The following GALNT14 variants were observed in gnomAD, a reference collection of about 807,000 sequenced individuals.
The protein encoded by GALNT14 is UDP-GalNAc:polypeptide N-acetylgalactosaminyltransferase 14.
A neutral mutation model predicts 77.5 loss-of-function variants in GALNT14; 60 were observed. That is an observed-to-expected ratio of 0.77 (90% confidence interval 0.63 to 0.96). The LOEUF is 0.96. Among genes scored for constraint, GALNT14 ranks in the 40% least tolerant of loss-of-function variants. The pLI is 0.00. For missense variants in GALNT14, 710 were observed against 731.0 expected (o/e 0.97, Z 0.33); for synonymous variants, 280 against 281.7 (o/e 0.99, Z 0.06).
chr2:31,006,595 GA>G (rs748042870), intron 1 of GALNT14, among the ~76,000 whole-genome samples: 14 of 152,174 alleles, frequency 9.2e-5, no homozygotes, highest in Non-Finnish European at 1.9e-4. Flanking sequence ...CATGATAGGG[GA>G]TCATTCATAG....
At chr2:31,097,097 T>G (rs1370098507) in intron 1 of GALNT14, among the ~76,000 whole-genome samples, 1 of 152,108 alleles carries the variant, frequency 6.6e-6, no homozygotes, top group African/African-American at 2.4e-5. Flanking sequence ...TAGCCAGTGG[T>G]CTCAAGGCAA....
intron 2 of GALNT14, among the ~76,000 whole-genome samples, chr2:30,970,480 T>C (rs1160368033): frequency 6.6e-6 from 1 of 152,092 alleles, no homozygotes; most frequent in African/African-American, 2.4e-5. Context: ...GAAGCTAGAA[T>C]TGCTATCATC....
intron 1 of GALNT14, among the ~76,000 whole-genome samples, chr2:31,078,550 G>GGCCTTCTAAAGGTTT (rs1675954164): frequency 6.6e-6 from 1 of 152,166 alleles, no homozygotes; most frequent in Non-Finnish European, 1.5e-5. Context: ...AGGTAGATTT[G>GGCCTTCTAAAGGTTT]GCCTTCTAAA....
At chr2:30,978,507 C>T (rs75032615) in intron 2 of GALNT14, among the ~76,000 whole-genome samples, 3,464 of 152,264 alleles carry the variant, frequency 0.023, 144 homozygotes, top group East Asian at 0.21. Flanking sequence ...TCCCACACAT[C>T]AGGGGGATGG....
intron 2 of GALNT14, among the ~76,000 whole-genome samples, chr2:30,989,579 T>TAA (rs1206805330): frequency 4.7e-5 from 6 of 127,218 alleles, no homozygotes; most frequent in African/African-American, 2.1e-4. Context: ...TATATATATA[T>TAA]ATAAAAATAT....
At chr2:30,924,334 G>A (rs930630211) in intron 12 of GALNT14, 71 bp from the exon 13 acceptor site, 1 of 1,527,390 alleles carries the variant, frequency 6.5e-7, no homozygotes, top group Non-Finnish European at 9.1e-7. Flanking sequence ...AGCTGGAGAG[G>A]GTGGGCAGTG....
chr2:30,929,895 T>C (rs1328907006), intron 10 of GALNT14, among the ~76,000 whole-genome samples: 1 of 152,206 alleles, frequency 6.6e-6, no homozygotes, highest in Non-Finnish European at 1.5e-5. Flanking sequence ...GGTAATGATA[T>C]TTTTCCCTTG....
At chr2:30,999,205 C>A (rs1670214404) in intron 1 of GALNT14, among the ~76,000 whole-genome samples, 1 of 152,194 alleles carries the variant, frequency 6.6e-6, no homozygotes, top group South Asian at 2.1e-4. Context: ...TGCCACTGCC[C>A]CATGGACATC....
chr2:31,043,648 T>C (rs1354639821), intron 1 of GALNT14, among the ~76,000 whole-genome samples: 3 of 143,212 alleles, frequency 2.1e-5, no homozygotes, highest in African/African-American at 7.5e-5. Context: ...AAGGAAGGGA[T>C]GGATCAGGTG....
chr2:31,085,920 T>C (rs1265414850), intron 1 of GALNT14, among the ~76,000 whole-genome samples: 2 of 152,170 alleles, frequency 1.3e-5, no homozygotes, highest in Non-Finnish European at 2.9e-5. Context: ...GGACAGGACT[T>C]ACATGGCGAC....
At chr2:30,905,551 T>C (rs1664119259), downstream of GALNT14, among the ~76,000 whole-genome samples, 1 of 151,892 alleles carries the variant, frequency 6.6e-6, no homozygotes, top group Admixed American at 6.6e-5. Context: ...CCAAGAAATA[T>C]GGGACTATGT....
In GALNT14 at chr2:30,987,661, A is replaced by C. The variant is rs575627440; in HGVS notation, c.299+5177T>G. On this transcript the variant is annotated intron_variant, in intron 2 of 14. Coordinates refer to ENST00000349752, the MANE Select transcript of GALNT14 (RefSeq NM_024572.4). Reference sequence around the variant, plus strand: ...CACCGCCGGTGCATCTGGGGATTCAATCAGCACAGCTGCCTGCTGGGTGAA... The same window carrying C: ...CACCGCCGGTGCATCTGGGGATTCACTCAGCACAGCTGCCTGCTGGGTGAA... Among the ~76,000 whole-genome samples, 21 of 152,076 alleles carry C rather than the reference A, an allele frequency of 1.4e-4. No individual in the cohort carries two copies. The East Asian group carries it at 3.5e-3, about 25-fold the overall frequency.
At chr2:31,036,522 A>T (rs1287116756) in intron 1 of GALNT14, among the ~76,000 whole-genome samples, 1 of 152,204 alleles carries the variant, frequency 6.6e-6, no homozygotes, top group Non-Finnish European at 1.5e-5. Context: ...CTTTTAAGTT[A>T]GATAGGAAAA....
chr2:30,942,328 AG>A (rs1666425122), intron 8 of GALNT14, 24 bp from the exon 9 acceptor site: 1 of 1,568,522 alleles, frequency 6.4e-7, no homozygotes, highest in Non-Finnish European at 8.8e-7. Flanking sequence ...AGAAAAAGAG[AG>A]GGGATCAGTT....
intron 13 of GALNT14, among the ~76,000 whole-genome samples, chr2:30,923,000 A>G (rs1665125076): frequency 6.6e-6 from 1 of 151,922 alleles, no homozygotes; most frequent in Non-Finnish European, 1.5e-5. Flanking sequence ...AATACCCGCC[A>G]GAAGGGTATG....
chr2:31,071,537 C>T (rs1223491708), intron 1 of GALNT14, among the ~76,000 whole-genome samples: 1 of 152,138 alleles, frequency 6.6e-6, no homozygotes, highest in Non-Finnish European at 1.5e-5. Context: ...ACAGGCAGGG[C>T]TCCACACAGC....
chr2:30,903,594 G>A, the GALNT14 span, among the ~76,000 whole-genome samples: 8 of 152,206 alleles, frequency 5.3e-5, no homozygotes, highest in Non-Finnish European at 1.0e-4. Flanking sequence ...ACTGCTGAGT[G>A]AGCTTGGAAC....
chr2:30,932,330 G>T, intron 9 of GALNT14, 136 bp from the exon 10 acceptor site: 1 of 777,010 alleles, frequency 1.3e-6, no homozygotes, highest in Non-Finnish European at 1.9e-6. Flanking sequence ...GGCTCCACTG[G>T]CTGAGAGACC....
intron 6 of GALNT14, among the ~76,000 whole-genome samples, chr2:30,951,350 T>C (rs1667018258): frequency 6.6e-6 from 1 of 152,186 alleles, no homozygotes; most frequent in Non-Finnish European, 1.5e-5. Flanking sequence ...CCACATGTTG[T>C]GTGATTCCGT....
Sources: gnomAD v4.1 joint callset for allele counts (sites outside exome capture counted in the v4.1 genomes callset) on GRCh38, gnomAD v4.1.1 for gene constraint, MANE v1.5 for transcripts, NCBI Gene and HGNC (gene_info 2026-07-23, HGNC 2026-07-21) for gene names.